Variants in NCOA7 observed in about 807,000 individuals in gnomAD.
The protein encoded by NCOA7 is 140 kDa estrogen receptor-associated protein.
Under a neutral mutation model 104.3 loss-of-function variants are expected in NCOA7, and 45 were observed. The observed-to-expected ratio is 0.43, with a 90% CI of 0.34 to 0.55. The LOEUF (loss-of-function observed/expected upper bound fraction) is 0.55. Among genes scored for constraint, NCOA7 ranks in the 20% least tolerant of loss-of-function variants. The pLI is 0.02. For synonymous variants in NCOA7, 398 were observed against 402.3 expected, an observed-to-expected ratio of 0.99 and a Z score of 0.13; for missense variants, 1,041 against 1,119.7, an observed-to-expected ratio of 0.93 and a Z score of 1.00.
Position 125,832,664 on chromosome 6 carries a change from A to G in NCOA7, c.50+17260A>G, listed in dbSNP as rs114690288. Among the ~76,000 whole-genome samples, 1,454 of 152,330 alleles carry G rather than the reference A, an allele frequency of 9.5e-3. 14 individuals carry two copies. The highest frequency in any genetic ancestry group is 0.033 in the African/African-American group (1,382 of 41,594). The stretch of plus-strand genomic sequence containing the variant: ...CACTTAGGGCCCTTAAGGGCCTAGC[A>G]TACCAAGGATGCTCAAAGATCACAG... On this transcript the variant is annotated intron_variant, in intron 2 of 15. Coordinates refer to ENST00000392477, the MANE Select transcript of NCOA7 (RefSeq NM_181782.5).
chr6:125,807,967 CAA>C (rs1029385515), intron 1 of NCOA7, among the ~76,000 whole-genome samples: 14 of 152,190 alleles, frequency 9.2e-5, no homozygotes, highest in African/African-American at 2.9e-4. Flanking sequence ...CATAAGCAGA[CAA>C]GAGAAATCTA....
intron 10 of NCOA7, among the ~76,000 whole-genome samples, chr6:125,902,998 G>A (rs551388519): frequency 4.6e-4 from 70 of 152,256 alleles, no homozygotes; most frequent in African/African-American, 1.7e-3. Flanking sequence ...AATCTGTTGT[G>A]CTTTGTTGCC....
At position 125,874,865 on chromosome 6, in the gene NCOA7, A is replaced by G. The variant is rs781002500; in HGVS notation, c.272-24A>G. 7.0e-6 allele frequency: 11 copies of G among 1,572,324 alleles called. No individual in the cohort carries two copies. In the Admixed American group the frequency reaches 1.3e-4, roughly 19 times the overall value. On this transcript the variant is annotated intron_variant, in intron 3 of 15. Transcript: ENST00000392477. ...TCAGTCCCTGAAAATGAAATTATTC[A>G]TTTACATACAATTTATTCTTCAGAT...
intron 6 of NCOA7, among the ~76,000 whole-genome samples, chr6:125,881,984 G>C (rs760000865): frequency 9.2e-5 from 14 of 152,252 alleles, no homozygotes; most frequent in Non-Finnish European, 1.9e-4. Context: ...CTCCTAAGTA[G>C]CTGGGATTAC....
intron 1 of NCOA7, among the ~76,000 whole-genome samples, chr6:125,797,614 A>T (rs1013278355): frequency 6.6e-6 from 1 of 152,226 alleles, no homozygotes; most frequent in Non-Finnish European, 1.5e-5. Context: ...AGGCATGCTG[A>T]TATCATGAAG....
At chr6:125,829,063 A>G (rs1432754908) in intron 2 of NCOA7, among the ~76,000 whole-genome samples, 4 of 152,144 alleles carry the variant, frequency 2.6e-5, no homozygotes. Context: ...AGAATTTTTT[A>G]ATTGTAATAT....
chr6:125,830,099 A>C (rs980022537), intron 2 of NCOA7, among the ~76,000 whole-genome samples: 1 of 152,208 alleles, frequency 6.6e-6, no homozygotes, highest in Non-Finnish European at 1.5e-5. Context: ...CTTGCTTGAA[A>C]AACTCTTGTT....
At chr6:125,903,319 G>T (rs1219078229) in intron 10 of NCOA7, among the ~76,000 whole-genome samples, 1 of 152,160 alleles carries the variant, frequency 6.6e-6, no homozygotes, top group East Asian at 1.9e-4. Flanking sequence ...CACACCTGGG[G>T]TCTGGCCTTG....
chr6:125,831,286 C>A (rs985578311), intron 2 of NCOA7, among the ~76,000 whole-genome samples: 3 of 151,984 alleles, frequency 2.0e-5, no homozygotes, highest in African/African-American at 7.3e-5. Flanking sequence ...AAATCTAGCC[C>A]AACCAAAAAA....
chr6:125,788,267 G>A (rs1048826755), upstream of NCOA7, among the ~76,000 whole-genome samples: 2 of 152,116 alleles, frequency 1.3e-5, no homozygotes, highest in Non-Finnish European at 2.9e-5. Flanking sequence ...AAGTAGCTAA[G>A]GCATACAGTA....
At position 125,907,399 on chromosome 6, in the gene NCOA7, A is replaced by G. The variant is rs527391559; in HGVS notation, c.2097-7934A>G. 3.8e-3 allele frequency among the ~76,000 whole-genome samples: 581 copies of G among 152,180 alleles called. 7 individuals carry two copies. The highest frequency in any genetic ancestry group is 0.014 in the African/African-American group (562 of 41,514). On this transcript the variant is annotated intron_variant, in intron 10 of 15. Coordinates refer to ENST00000392477, the MANE Select transcript of NCOA7 (RefSeq NM_181782.5). ...AAGCATTCAGGGCGGCTTCCCCTTC[A>G]CACTCCCCAAACACAGAGCACAGCA...
intron 2 of NCOA7, among the ~76,000 whole-genome samples, chr6:125,843,615 G>A (rs975290267): frequency 7.2e-5 from 11 of 152,132 alleles, no homozygotes; most frequent in African/African-American, 2.7e-4. Context: ...CTTATTCTTG[G>A]TTGATAAGCA....
chr6:125,791,084 G>A lies in NCOA7; in HGVS notation c.-65+17G>A. 6.5e-6 allele frequency: 1 copy of A among 153,386 alleles called. No homozygotes were observed. Among genetic ancestry groups the A allele is most frequent in the Non-Finnish European group, 1.4e-5 (1 of 68,996 alleles). The allele number at this position is 153,386 out of a possible 1,614,324, so 9.5% of individuals were successfully genotyped here. On this transcript the variant is annotated intron_variant, in intron 1 of 15. Transcript: ENST00000392477. Reference sequence around the variant, plus strand: ...GCCCTGTAGGTAGGTGGTGAGGCGGGGCCCAGCCCTCGCCGCCGCCCGCCG... The same window carrying A: ...GCCCTGTAGGTAGGTGGTGAGGCGGAGCCCAGCCCTCGCCGCCGCCCGCCG...
At chr6:125,783,224 G>A (rs1262953345) in intron 1 of NCOA7, among the ~76,000 whole-genome samples, 1 of 152,156 alleles carries the variant, frequency 6.6e-6, no homozygotes, top group Non-Finnish European at 1.5e-5. Flanking sequence ...ACCGTCATTT[G>A]ATTAAGGTGT....
chr6:125,871,139 G>A (rs749022953), intron 3 of NCOA7, among the ~76,000 whole-genome samples: 1 of 152,198 alleles, frequency 6.6e-6, no homozygotes, highest in Non-Finnish European at 1.5e-5. Context: ...ATTTGCCTTA[G>A]GTTCTTGTAC....
chr6:125,859,237 G>GA (rs994442581), intron 3 of NCOA7, among the ~76,000 whole-genome samples: 95 of 143,514 alleles, frequency 6.6e-4, no homozygotes, highest in East Asian at 3.2e-3. Context: ...TGTGAGGGAG[G>GA]AAAAAAAAAA....
At chr6:125,836,131 AGCT>A (rs1779590430) in intron 2 of NCOA7, among the ~76,000 whole-genome samples, 1 of 152,236 alleles carries the variant, frequency 6.6e-6, no homozygotes, top group South Asian at 2.1e-4. Context: ...ATATTGTGAC[AGCT>A]TTATGTAGAA....
At chr6:125,807,344 T>C (rs2128560196) in intron 1 of NCOA7, among the ~76,000 whole-genome samples, 1 of 152,330 alleles carries the variant, frequency 6.6e-6, no homozygotes, top group South Asian at 2.1e-4. Flanking sequence ...CCTAGCTAAA[T>C]GCAATAATCT....
chr6:125,888,361 G>A (rs1256493547), intron 8 of NCOA7, among the ~76,000 whole-genome samples: 1 of 152,110 alleles, frequency 6.6e-6, no homozygotes, highest in Non-Finnish European at 1.5e-5. Flanking sequence ...TCTCCTTTGG[G>A]AGTAGAGGGC....
Sources: gnomAD v4.1 joint callset for allele counts (sites outside exome capture counted in the v4.1 genomes callset) on GRCh38, gnomAD v4.1.1 for gene constraint, MANE v1.5 for transcripts, NCBI Gene and HGNC (gene_info 2026-07-23, HGNC 2026-07-21) for gene names.